The following ZNF469 variants were observed in gnomAD, a reference collection of about 807,000 sequenced individuals.
The protein encoded by ZNF469 is zinc finger protein 469.
ZNF469 carries 1 observed loss-of-function variant against 1.0 expected under a neutral mutation model. That is an observed-to-expected ratio of 1.00 (90% CI 0.35 to 4.73). The LOEUF is 4.73. ZNF469 is among the 30% of genes most tolerant of loss of function. ZNF469 has a pLI of 0.16. For missense variants in ZNF469, 6,100 were observed against 5,356.3 expected (o/e 1.14, Z -4.33); for synonymous variants, 2,703 against 2,363.4 (o/e 1.14, Z -4.17).
intron 1 of ZNF469, among the ~76,000 whole-genome samples, chr16:88,396,405 AGGAGGAGACCCTCCTGAAGGGAGGCTG>A: frequency 7.0e-6 from 1 of 142,030 alleles, no homozygotes; most frequent in Non-Finnish European, 1.6e-5. Flanking sequence ...AAGGGAGGCC[AGGAGGAGACCCTCCTGAAGGGAGGCTG>A]GGAGGAGACC....
intron 1 of ZNF469, among the ~76,000 whole-genome samples, chr16:88,398,406 C>T (rs900112436): frequency 2.4e-5 from 3 of 123,610 alleles, no homozygotes; most frequent in African/African-American, 9.7e-5. Context: ...ATGTGAGCCA[C>T]AGATGAAGGG....
rs1045825055 is a variant in ZNF469 at position 88,438,953 on chromosome 16, G to A, written c.11483G>A (p.Ser3828Asn). The A allele has an allele frequency of 2.4e-5, 37 of 1,550,448 alleles. No individual in the cohort carries two copies. The highest frequency in any genetic ancestry group is 1.2e-5 in the Non-Finnish European group (14 of 1,147,002). ...KKGQVPGPARSESVGSFGRAP... is the reference protein window; with the variant it reads ...KKGQVPGPARNESVGSFGRAP... ...GGCCAGGTCCCAGGGCCAGCCAGGAGTGAAAGTGTGGGGAGCTTCGGGAGA... is the reference window on the plus strand; with the variant it reads ...GGCCAGGTCCCAGGGCCAGCCAGGAATGAAAGTGTGGGGAGCTTCGGGAGA... The change falls in exon 3 of 3, where the codon AGT becomes AAT. Residue 3828 changes from serine to asparagine, a missense_variant. Transcript: ENST00000565624.
At chr16:88,422,281 A>AACGGATGGATGGATGG (rs1555517875) in intron 1 of ZNF469, among the ~76,000 whole-genome samples, 6 of 121,934 alleles carry the variant, frequency 4.9e-5, no homozygotes, top group African/African-American at 2.0e-4. Flanking sequence ...ATAGGTGGGT[A>AACGGATGGATGGATGG]ATGGATGGAT....
In ZNF469 at chr16:88,436,264, G is replaced by A. The variant is rs1314982259; in HGVS notation, c.8794G>A (p.Ala2932Thr). Residue 2932 changes from alanine to threonine, a missense_variant, in exon 3 of 3, where the codon GCA becomes ACA. Ala to Thr is a moderately conservative substitution (Grantham distance 58). Transcript: ENST00000565624. ...HEDPWEDEDP[A>T]GLPESFLLDG... is the part of the protein sequence containing the mutation. ...GGACCCGTGGGAGGACGAGGATCCC[G>A]CAGGTCTGCCCGAGTCCTTCCTCCT... 12 of 1,549,802 alleles carry A rather than the reference G, an allele frequency of 7.7e-6. No individual in the cohort carries two copies. Among genetic ancestry groups the A allele is most frequent in the South Asian group, 3.6e-5 (3 of 84,052 alleles).
chr16:88,382,828 C>T (rs1210848388), upstream of ZNF469, among the ~76,000 whole-genome samples: 1 of 152,100 alleles, frequency 6.6e-6, no homozygotes, highest in Non-Finnish European at 1.5e-5. Context: ...GGAGCAATGC[C>T]TCAGGGCCCC....
chr16:88,271,280 T>C, the ZNF469 span, among the ~76,000 whole-genome samples: 4 of 140,602 alleles, frequency 2.8e-5, no homozygotes, highest in Non-Finnish European at 6.4e-5. Flanking sequence ...TTGGACAAAG[T>C]ACGTGGGAAT....
At chr16:88,400,883 C>A (rs1391949222) in intron 1 of ZNF469, among the ~76,000 whole-genome samples, 2 of 151,792 alleles carry the variant, frequency 1.3e-5, no homozygotes, top group African/African-American at 2.4e-5. Flanking sequence ...AGGGACCAAG[C>A]AGAGGGCCAG....
At chr16:88,222,071 C>T in the ZNF469 span, among the ~76,000 whole-genome samples, 37 of 152,232 alleles carry the variant, frequency 2.4e-4, no homozygotes, top group African/African-American at 8.9e-4. Context: ...ACTTTCTGAG[C>T]TGAGATCCAC....
intron 1 of ZNF469, among the ~76,000 whole-genome samples, chr16:88,399,979 G>A (rs865813494): frequency 6.6e-6 from 1 of 152,252 alleles, no homozygotes; most frequent in Non-Finnish European, 1.5e-5. Context: ...ACCTCCCTGG[G>A]CCTGGACTCC....
chr16:88,116,955 GCACACACACACACACACA>G, the ZNF469 span, among the ~76,000 whole-genome samples: 2 of 151,302 alleles, frequency 1.3e-5, no homozygotes, highest in South Asian at 2.1e-4. Flanking sequence ...GTGCATGCGT[GCACACACACACACACACA>G]CACACACACA....
the ZNF469 span, among the ~76,000 whole-genome samples, chr16:88,272,765 G>A: frequency 6.6e-6 from 1 of 151,226 alleles, no homozygotes; most frequent in Non-Finnish European, 1.5e-5. Context: ...TGTGTGGATA[G>A]ACGAGTGGAC....
the ZNF469 span, among the ~76,000 whole-genome samples, chr16:88,233,405 C>G: frequency 6.6e-6 from 1 of 152,252 alleles, no homozygotes; most frequent in South Asian, 2.1e-4. Flanking sequence ...ACCTGGGAAC[C>G]TGAACATCAT....
intron 1 of ZNF469, among the ~76,000 whole-genome samples, chr16:88,398,951 C>A (rs143214141): frequency 5.4e-4 from 83 of 152,328 alleles, no homozygotes; most frequent in African/African-American, 1.9e-3. Flanking sequence ...AACCACCACC[C>A]CCCCAGGATC....
the ZNF469 span, among the ~76,000 whole-genome samples, chr16:88,349,374 C>T: frequency 6.6e-6 from 1 of 151,568 alleles, no homozygotes; most frequent in Non-Finnish European, 1.5e-5. Context: ...ATCACACACA[C>T]ACACCACACA....
At chr16:88,331,934 C>T in the ZNF469 span, among the ~76,000 whole-genome samples, 1 of 152,230 alleles carries the variant, frequency 6.6e-6, no homozygotes, top group African/African-American at 2.4e-5. Flanking sequence ...AGGAGTAGCC[C>T]CCTCCTCATT....
At chr16:88,245,982 C>T in the ZNF469 span, among the ~76,000 whole-genome samples, 2 of 152,276 alleles carry the variant, frequency 1.3e-5, no homozygotes, top group African/African-American at 4.8e-5. Flanking sequence ...GCTCATCCAA[C>T]AAAAGCAGAG....
At chr16:88,252,861 G>T in the ZNF469 span, among the ~76,000 whole-genome samples, 1 of 152,074 alleles carries the variant, frequency 6.6e-6, no homozygotes, top group Non-Finnish European at 1.5e-5. Context: ...TTTCCAGTCA[G>T]TTCCACCAAC....
chr16:88,196,663 G>A, the ZNF469 span, among the ~76,000 whole-genome samples: 1 of 152,206 alleles, frequency 6.6e-6, no homozygotes, highest in African/African-American at 2.4e-5. Flanking sequence ...GCCACTCACT[G>A]ACAGGCCCCT....
chr16:88,351,554 C>A, the ZNF469 span, among the ~76,000 whole-genome samples: 1 of 152,054 alleles, frequency 6.6e-6, no homozygotes, highest in Non-Finnish European at 1.5e-5. Context: ...GCTCCCCAGG[C>A]GGCCTGTGAT....
Sources: gnomAD v4.1 joint callset for allele counts (sites outside exome capture counted in the v4.1 genomes callset) on GRCh38, gnomAD v4.1.1 for gene constraint, MANE v1.5 for transcripts, NCBI Gene and HGNC (gene_info 2026-07-23, HGNC 2026-07-21) for gene names.